The following FDFT1 variants were observed in gnomAD, a reference collection of about 807,000 sequenced individuals.
FDFT1 encodes farnesyl-diphosphate farnesyltransferase 1.
Under a neutral mutation model 46.8 loss-of-function variants are expected in FDFT1, and 68 were observed. That is an observed-to-expected ratio of 1.45 (90% CI 1.19 to 1.78). The LOEUF (loss-of-function observed/expected upper bound fraction) is 1.78. Among genes scored for constraint, FDFT1 ranks in the 40% most tolerant of loss-of-function variants. The pLI is 0.00. For synonymous variants in FDFT1, 351 were observed against 185.1 expected (o/e 1.90, Z -7.28); for missense variants, 928 against 524.4 (o/e 1.77, Z -7.52).
At chr8:11,820,337 C>G (rs1192468774) in intron 3 of FDFT1, among the ~76,000 whole-genome samples, 1 of 152,220 alleles carries the variant, frequency 6.6e-6, no homozygotes, top group Admixed American at 6.5e-5. Flanking sequence ...CTGTCCGTTA[C>G]TGGAGTTCAA....
upstream of FDFT1, chr8:11,801,740 C>T (rs1485006781): frequency 9.0e-6 from 3 of 331,910 alleles, no homozygotes; most frequent in East Asian, 2.6e-4. Context: ...GTTGGCCTGG[C>T]TGGAGTGCAG....
intron 4 of FDFT1, among the ~76,000 whole-genome samples, chr8:11,822,547 G>A (rs1385100449): frequency 6.6e-6 from 1 of 152,148 alleles, no homozygotes; most frequent in Non-Finnish European, 1.5e-5. Flanking sequence ...CGGGTACTAT[G>A]GTTTACCTGT....
Position 11,831,656 on chromosome 8 carries a change from C to A in FDFT1, c.1018C>A (p.Gln340Lys). ...GCCAGCTGTCAAAGCCATCATATATCAGTATATGGAAGAGGTGGGTTTTTA... is the reference window on the plus strand; with the variant it reads ...GCCAGCTGTCAAAGCCATCATATATAAGTATATGGAAGAGGTGGGTTTTTA... ...NMPAVKAIIY[Q>K]YMEEIYHRIP... The change falls in exon 7 of 8, where the codon CAG becomes AAG. Residue 340 changes from glutamine to lysine, a missense_variant. Physicochemically the swap from Gln to Lys is moderately conservative, Grantham distance 53. Coordinates refer to ENST00000220584, the MANE Select transcript of FDFT1 (RefSeq NM_004462.5). 6.2e-7 allele frequency: 1 copy of A among 1,612,916 alleles called. No homozygotes were observed. Among genetic ancestry groups the A allele is most frequent in the Admixed American group, 1.7e-5 (1 of 60,032 alleles).
intron 1 of FDFT1, chr8:11,808,574 G>GC (rs1056798406): frequency 7.2e-6 from 10 of 1,385,840 alleles, no homozygotes; most frequent in Admixed American, 3.4e-5. Context: ...GCACCTTGGT[G>GC]CTGAGTCCCG....
intron 7 of FDFT1, 198 bp downstream of exon 7, chr8:11,831,868 C>A (rs536415928): frequency 1.9e-6 from 1 of 535,674 alleles, no homozygotes; most frequent in Non-Finnish European, 3.3e-6. Flanking sequence ...CTGTGTAGTA[C>A]CCTGGTGAGA....
At chr8:11,817,293 G>A (rs1272496785) in intron 3 of FDFT1, among the ~76,000 whole-genome samples, 2 of 152,092 alleles carry the variant, frequency 1.3e-5, no homozygotes, top group African/African-American at 4.8e-5. Context: ...GAGGATTTTC[G>A]CATCAACGTT....
At chr8:11,801,818 G>A (rs183023422), upstream of FDFT1, 744 of 374,654 alleles carry the variant, frequency 2.0e-3, 12 homozygotes, top group South Asian at 0.013. Flanking sequence ...CTCAGCCTCC[G>A]GAGTAGTTGG....
chr8:11,824,852 T>C (rs571643534), intron 4 of FDFT1, among the ~76,000 whole-genome samples: 189 of 152,218 alleles, frequency 1.2e-3, no homozygotes, highest in Non-Finnish European at 2.3e-3. Context: ...TCTCCTGCCT[T>C]AGCCTTCTGA....
intron 2 of FDFT1, chr8:11,809,391 C>T: frequency 8.4e-7 from 1 of 1,183,794 alleles, no homozygotes; most frequent in Non-Finnish European, 1.0e-6. Flanking sequence ...CTTCTGGTCT[C>T]CATAGTTCTA....
intron 7 of FDFT1, among the ~76,000 whole-genome samples, chr8:11,835,890 T>C (rs1016461085): frequency 1.4e-5 from 2 of 144,242 alleles, no homozygotes; most frequent in African/African-American, 5.0e-5. Flanking sequence ...TCTCAGCACT[T>C]TGGGAGGCTG....
chr8:11,831,506 T>G lies in FDFT1; in HGVS notation c.880-12T>G, dbSNP rs1810786174. On this transcript the variant is annotated splice_polypyrimidine_tract_variant and intron_variant, in intron 6 of 7. Coordinates refer to ENST00000220584, the MANE Select transcript of FDFT1 (RefSeq NM_004462.5). ...ATTTCTTCTTTTTTCCCTCTCTTCT[T>G]GTTGTCTCTAGGTGATGGCCATTGC... The G allele has an allele frequency of 1.2e-6, 2 of 1,611,102 alleles. No homozygotes were observed. The highest frequency in any genetic ancestry group is 1.7e-5 in the Admixed American group (1 of 59,726).
intron 3 of FDFT1, among the ~76,000 whole-genome samples, chr8:11,819,152 C>G (rs1271684626): frequency 1.3e-5 from 2 of 152,278 alleles, no homozygotes; most frequent in South Asian, 4.1e-4. Context: ...GTTGAAAATT[C>G]TTTAAGAATG....
At position 11,830,328 on chromosome 8, in the gene FDFT1, A is replaced by G. The variant is rs760759849; in HGVS notation, c.787A>G (p.Ile263Val). 6 of 1,613,500 alleles carry G rather than the reference A, an allele frequency of 3.7e-6. No homozygotes were observed. The highest frequency in any genetic ancestry group is 1.1e-5 in the South Asian group (1 of 91,068). Reference protein sequence around the residue: ...DLAVQCLNELITNALHHIPDV... With the variant: ...DLAVQCLNELVTNALHHIPDV... ...GGCCGTGCAGTGCCTGAATGAACTT[A>G]TAACCAATGCACTGCACCACATCCC... Residue 263 changes from isoleucine (I) to valine (V), a missense_variant, in exon 6 of 8, where the codon ATA becomes GTA. Coordinates refer to ENST00000220584, the MANE Select transcript of FDFT1 (RefSeq NM_004462.5).
chr8:11,812,784 A>C (rs1225675499), intron 3 of FDFT1, among the ~76,000 whole-genome samples: 1 of 152,218 alleles, frequency 6.6e-6, no homozygotes, highest in Non-Finnish European at 1.5e-5. Context: ...TGTACAGTAG[A>C]TTGAACCTGA....
At chr8:11,829,934 GC>G (rs1466233170) in intron 5 of FDFT1, among the ~76,000 whole-genome samples, 2 of 151,434 alleles carry the variant, frequency 1.3e-5, no homozygotes, top group Admixed American at 6.6e-5. Flanking sequence ...TGCAACCTCC[GC>G]CCCCTAGGTT....
intron 3 of FDFT1, among the ~76,000 whole-genome samples, chr8:11,812,021 T>A (rs1202784384): frequency 6.6e-6 from 1 of 152,122 alleles, no homozygotes; most frequent in Non-Finnish European, 1.5e-5. Flanking sequence ...GGCTAAGAGG[T>A]CCCAGGATGG....
chr8:11,830,173 C>G, intron 5 of FDFT1, 71 bp from the exon 6 acceptor site: 1 of 1,228,248 alleles, frequency 8.1e-7, no homozygotes, highest in Middle Eastern at 2.1e-4. Context: ...GCACAAAGAC[C>G]CTTTAATATT....
chr8:11,797,201 C>G (rs1383112223), intron 1 of FDFT1, among the ~76,000 whole-genome samples: 1 of 152,200 alleles, frequency 6.6e-6, no homozygotes, highest in Non-Finnish European at 1.5e-5. Flanking sequence ...GGTCGGCTGT[C>G]TGAACCCCAC....
chr8:11,811,352 C>T (rs1476476606), intron 3 of FDFT1, among the ~76,000 whole-genome samples: 1 of 152,184 alleles, frequency 6.6e-6, no homozygotes, highest in Non-Finnish European at 1.5e-5. Context: ...TCTAGCTGGA[C>T]CTAGCCTCTA....
Sources: allele counts gnomAD v4.1 joint callset (sites outside exome capture counted in the v4.1 genomes callset), GRCh38; gene constraint gnomAD v4.1.1; transcripts MANE v1.5; gene names NCBI Gene and HGNC (gene_info 2026-07-23, HGNC 2026-07-21).